Variants in DEFB123 observed in about 807,000 individuals in gnomAD.
The protein encoded by DEFB123 is beta-defensin 123.
For missense variants in DEFB123, 71 were observed against 75.0 expected, an observed-to-expected ratio of 0.95 and a Z score of 0.20; for synonymous variants, 22 against 28.3, an observed-to-expected ratio of 0.78 and a Z score of 0.71.
chr20:31,450,110 T>A lies in DEFB123; in HGVS notation c.140T>A (p.Ile47Lys), dbSNP rs761776720. 1 of 1,613,282 alleles carries A rather than the reference T, an allele frequency of 6.2e-7. No individual in the cohort carries two copies. Among genetic ancestry groups the A allele is most frequent in the East Asian group, 2.2e-5 (1 of 44,782 alleles). The change falls in exon 2 of 2, where the codon ATA becomes AAA. Residue 47 changes from isoleucine (I) to lysine (K), a missense_variant. Coordinates refer to ENST00000376309, the MANE Select transcript of DEFB123 (RefSeq NM_153324.4). ...AAGGAAAGAGTCTATGTTTACTGCATAAATAATAAAATGTGCTGCGTGAAG... is the reference window on the plus strand; with the variant it reads ...AAGGAAAGAGTCTATGTTTACTGCAAAAATAATAAAATGTGCTGCGTGAAG... ...SKKERVYVYC[I>K]NNKMCCVKPK...
intron 1 of DEFB123, 130 bp from the exon 2 acceptor site, chr20:31,449,899 G>A: frequency 1.7e-6 from 2 of 1,151,244 alleles, no homozygotes; most frequent in Non-Finnish European, 2.3e-6. Flanking sequence ...AGTGATAGAT[G>A]AAAAGAGTCA....
chr20:31,448,414 T>C (rs1979646324), intron 1 of DEFB123, among the ~76,000 whole-genome samples: 1 of 152,142 alleles, frequency 6.6e-6, no homozygotes, highest in African/African-American at 2.4e-5. Flanking sequence ...ACTTGAAATT[T>C]TTCAGCCATT....
chr20:31,446,142 G>C (rs913066333), intron 1 of DEFB123, among the ~76,000 whole-genome samples: 1 of 152,174 alleles, frequency 6.6e-6, no homozygotes, highest in Non-Finnish European at 1.5e-5. Context: ...GGTTGGGGGC[G>C]CAGGAGGAGT....
In DEFB123 at chr20:31,441,407, G is replaced by A. The variant is rs73248566; in HGVS notation, c.58+651G>A. Among the ~76,000 whole-genome samples, 203 of 152,278 alleles carry A rather than the reference G, an allele frequency of 1.3e-3. 1 individual carries two copies. The highest frequency in any genetic ancestry group is 6.8e-3 in the Middle Eastern group (2 of 294). ...GAAGGAGAGGGGAAAGCAGAAGGGT[G>A]TCCCAGGCAGAGAGGTCAGCCTATG... is the stretch of plus-strand genomic sequence containing the variant. On this transcript the variant is annotated intron_variant, in intron 1 of 1. Transcript: ENST00000376309.
At chr20:31,446,096 C>T (rs1386993648) in intron 1 of DEFB123, among the ~76,000 whole-genome samples, 3 of 152,174 alleles carry the variant, frequency 2.0e-5, no homozygotes, top group Non-Finnish European at 4.4e-5. Context: ...TAACTTACCA[C>T]AGCAAAGGAA....
intron 1 of DEFB123, among the ~76,000 whole-genome samples, chr20:31,444,870 T>A (rs1454439146): frequency 6.6e-6 from 1 of 152,182 alleles, no homozygotes; most frequent in South Asian, 2.1e-4. Flanking sequence ...TCCCCCAAAT[T>A]AAGCACTCTC....
chr20:31,445,843 C>T (rs900172663), intron 1 of DEFB123, among the ~76,000 whole-genome samples: 2 of 152,080 alleles, frequency 1.3e-5, no homozygotes, highest in Non-Finnish European at 2.9e-5. Context: ...ACCCGGCCGA[C>T]GAAATAATTT....
At chr20:31,444,703 C>T (rs559852719) in intron 1 of DEFB123, among the ~76,000 whole-genome samples, 1 of 152,230 alleles carries the variant, frequency 6.6e-6, no homozygotes, top group African/African-American at 2.4e-5. Context: ...AACTAAAACA[C>T]AGAATCACAG....
At chr20:31,445,343 A>G (rs1031265989) in intron 1 of DEFB123, among the ~76,000 whole-genome samples, 3 of 152,214 alleles carry the variant, frequency 2.0e-5, no homozygotes, top group Non-Finnish European at 4.4e-5. Context: ...TCAAAATGAT[A>G]ATATTCTGTT....
intron 1 of DEFB123, among the ~76,000 whole-genome samples, chr20:31,445,547 G>A (rs992872774): frequency 4.3e-5 from 6 of 137,958 alleles, no homozygotes; most frequent in African/African-American, 1.6e-4. Context: ...TAATTTTTTT[G>A]TTCTTTAGTT....
At chr20:31,449,767 C>CAAAAAAAAAA (rs59939526) in intron 1 of DEFB123, among the ~76,000 whole-genome samples, 4 of 52,524 alleles carry the variant, frequency 7.6e-5, no homozygotes, top group Admixed American at 2.7e-4. Context: ...AGACTCATCT[C>CAAAAAAAAAA]AAAAAAAAAA....
At chr20:31,443,273 A>T (rs999469085) in intron 1 of DEFB123, among the ~76,000 whole-genome samples, 1 of 152,016 alleles carries the variant, frequency 6.6e-6, no homozygotes, top group Non-Finnish European at 1.5e-5. Flanking sequence ...TGCCTTCTGC[A>T]CTAGGGGTGT....
chr20:31,445,643 A>G (rs1006460540), intron 1 of DEFB123, among the ~76,000 whole-genome samples: 2 of 152,048 alleles, frequency 1.3e-5, no homozygotes, highest in Non-Finnish European at 2.9e-5. Context: ...AGGTTCAAAC[A>G]ATTCTCCTGC....
chr20:31,440,865 T>C, intron 1 of DEFB123, 109 bp downstream of exon 1: 1 of 1,363,744 alleles, frequency 7.3e-7, no homozygotes, highest in Non-Finnish European at 1.0e-6. Context: ...GCACCACGTA[T>C]AGGAGGCAGG....
At chr20:31,442,933 T>C (rs1476686345) in intron 1 of DEFB123, among the ~76,000 whole-genome samples, 1 of 152,016 alleles carries the variant, frequency 6.6e-6, no homozygotes, top group Non-Finnish European at 1.5e-5. Context: ...GGGTTGTTCA[T>C]GGAATGTCTC....
chr20:31,448,742 G>A (rs1276827009), intron 1 of DEFB123, among the ~76,000 whole-genome samples: 3 of 151,354 alleles, frequency 2.0e-5, no homozygotes, highest in East Asian at 1.9e-4. Context: ...ACAGAGTTTC[G>A]CTCTTGTTGC....
intron 1 of DEFB123, among the ~76,000 whole-genome samples, chr20:31,446,598 C>T (rs1333360426): frequency 5.9e-5 from 9 of 152,190 alleles, no homozygotes; most frequent in Non-Finnish European, 1.3e-4. Context: ...TCTGGAGTGA[C>T]GAGATATTCT....
chr20:31,448,004 T>G (rs1201017569), intron 1 of DEFB123, among the ~76,000 whole-genome samples: 1 of 152,016 alleles, frequency 6.6e-6, no homozygotes, highest in Non-Finnish European at 1.5e-5. Flanking sequence ...GCCAGGATGG[T>G]CTCGATCTCC....
At chr20:31,447,842 A>G (rs943441774) in intron 1 of DEFB123, among the ~76,000 whole-genome samples, 1 of 129,688 alleles carries the variant, frequency 7.7e-6, no homozygotes, top group Non-Finnish European at 1.5e-5. Context: ...GCTGGAGTGC[A>G]GTGGCGCTAT....
Sources: allele counts gnomAD v4.1 joint callset (sites outside exome capture counted in the v4.1 genomes callset), GRCh38; gene constraint gnomAD v4.1.1; transcripts MANE v1.5; gene names NCBI Gene and HGNC (gene_info 2026-07-23, HGNC 2026-07-21).